Variants in RGS7 observed in about 807,000 individuals in gnomAD.
RGS7 encodes the protein regulator of G protein signaling 7, also known as regulator of G-protein signaling 7.
RGS7 carries 27 observed loss-of-function variants against 81.1 expected under a neutral mutation model. The observed-to-expected ratio is 0.33, with a 90% confidence interval of 0.25 to 0.46. The LOEUF (loss-of-function observed/expected upper bound fraction) is 0.46. Ranked by LOEUF, RGS7 falls within the 20% of genes least tolerant of loss-of-function variation. The pLI is 1.00. For missense variants in RGS7, 396 were observed against 607.4 expected, an observed-to-expected ratio of 0.65 and a Z score of 3.66; for synonymous variants, 208 against 207.7, an observed-to-expected ratio of 1.00 and a Z score of -0.01.
At chr1:240,785,727 CAG>C (rs775628917) in intron 18 of RGS7, among the ~76,000 whole-genome samples, 4 of 152,130 alleles carry the variant, frequency 2.6e-5, no homozygotes, top group Admixed American at 6.6e-5. Flanking sequence ...CTAATAGAAT[CAG>C]AATATTTTCA....
intron 3 of RGS7, among the ~76,000 whole-genome samples, chr1:241,075,567 A>C (rs144949263): frequency 6.6e-6 from 1 of 152,062 alleles, no homozygotes; most frequent in Non-Finnish European, 1.5e-5. Flanking sequence ...GGCCATACAT[A>C]AATCACACTA....
intron 3 of RGS7, among the ~76,000 whole-genome samples, chr1:241,004,733 C>A (rs569061879): frequency 6.6e-6 from 1 of 152,326 alleles, no homozygotes; most frequent in East Asian, 1.9e-4. Flanking sequence ...CCTCTCTGAG[C>A]AGCATTCCTT....
chr1:240,871,857 T>G (rs1358623488), intron 6 of RGS7, among the ~76,000 whole-genome samples: 1 of 152,178 alleles, frequency 6.6e-6, no homozygotes, highest in African/African-American at 2.4e-5. Context: ...TGATGAAATT[T>G]CAAGCCCCAG....
chr1:240,966,234 TA>T (rs932133010), intron 4 of RGS7, among the ~76,000 whole-genome samples: 8 of 152,100 alleles, frequency 5.3e-5, no homozygotes, highest in African/African-American at 1.4e-4. Flanking sequence ...GAATTGTGAT[TA>T]AAAAAAGATT....
intron 2 of RGS7, among the ~76,000 whole-genome samples, chr1:241,109,066 T>A (rs1459540005): frequency 6.6e-6 from 1 of 152,192 alleles, no homozygotes; most frequent in African/African-American, 2.4e-5. Flanking sequence ...TTTAAATATT[T>A]CATCTCTTGT....
intron 2 of RGS7, among the ~76,000 whole-genome samples, chr1:241,308,635 G>A (rs1343555882): frequency 2.0e-5 from 3 of 152,118 alleles, no homozygotes; most frequent in Non-Finnish European, 2.9e-5. Context: ...GGATACAAGT[G>A]CTCTTAATCT....
At chr1:241,122,415 A>G (rs1018837797) in intron 2 of RGS7, among the ~76,000 whole-genome samples, 2 of 152,092 alleles carry the variant, frequency 1.3e-5, no homozygotes, top group Admixed American at 1.3e-4. Flanking sequence ...GTAATCCCAG[A>G]ACTTTGGGAT....
At chr1:241,047,733 C>CTTTTTTTT (rs34738551) in intron 3 of RGS7, among the ~76,000 whole-genome samples, 38 of 89,512 alleles carry the variant, frequency 4.2e-4, no homozygotes, top group Non-Finnish European at 5.8e-4. Flanking sequence ...GTTTACAATC[C>CTTTTTTTT]TTTTTTTTTT....
At chr1:241,154,600 C>G (rs934792356) in intron 2 of RGS7, among the ~76,000 whole-genome samples, 2 of 152,144 alleles carry the variant, frequency 1.3e-5, no homozygotes, top group Non-Finnish European at 2.9e-5. Context: ...GGTGTCTCCC[C>G]GAATGTCGGG....
chr1:241,321,065 T>C (rs1465474602), intron 2 of RGS7, among the ~76,000 whole-genome samples: 1 of 152,208 alleles, frequency 6.6e-6, no homozygotes, highest in Non-Finnish European at 1.5e-5. Flanking sequence ...ACAGAAAGTA[T>C]AGAATTGGAA....
At chr1:241,008,109 G>A (rs1446246063) in intron 3 of RGS7, among the ~76,000 whole-genome samples, 2 of 150,522 alleles carry the variant, frequency 1.3e-5, no homozygotes, top group Non-Finnish European at 2.9e-5. Flanking sequence ...TACTTTATAT[G>A]GCAACAAAAG....
chr1:240,778,795 G>A (rs947160462), intron 18 of RGS7, among the ~76,000 whole-genome samples: 1 of 152,186 alleles, frequency 6.6e-6, no homozygotes, highest in African/African-American at 2.4e-5. Flanking sequence ...GCCTCCCAAA[G>A]TGCTGGGATT....
chr1:241,284,557 C>A (rs2078692760), intron 2 of RGS7, among the ~76,000 whole-genome samples: 1 of 152,218 alleles, frequency 6.6e-6, no homozygotes, highest in African/African-American at 2.4e-5. Context: ...GAGAATGGGG[C>A]ACCTTGCTAC....
chr1:241,052,431 G>A (rs1363604439), intron 3 of RGS7, among the ~76,000 whole-genome samples: 2 of 152,060 alleles, frequency 1.3e-5, no homozygotes, highest in Non-Finnish European at 2.9e-5. Context: ...TAAGAGCAAC[G>A]TGAAGGCCGA....
chr1:240,791,349 A>G lies in RGS7; in HGVS notation c.*6+9292T>C, dbSNP rs528914909. 5.9e-5 allele frequency among the ~76,000 whole-genome samples: 9 copies of G among 152,346 alleles called. No homozygotes were observed. The South Asian group carries it at 1.5e-3, about 25-fold the overall frequency. ...TGAAGAGGGCAGGAGATTTTGCCCA[A>G]TCTGGGCTTGTGTACAGTATCAGCC... is the stretch of plus-strand genomic sequence containing the variant. On this transcript the variant is annotated intron_variant, in intron 18 of 18. Coordinates refer to ENST00000440928, the MANE Select transcript of RGS7 (RefSeq NM_001364886.1).
chr1:241,190,226 T>C (rs113947690), intron 2 of RGS7, among the ~76,000 whole-genome samples: 3 of 152,330 alleles, frequency 2.0e-5, no homozygotes, highest in South Asian at 2.1e-4. Flanking sequence ...CTTGATACTA[T>C]AGTGACATAG....
At chr1:240,865,977 A>G (rs1444426957) in intron 9 of RGS7, among the ~76,000 whole-genome samples, 1 of 152,238 alleles carries the variant, frequency 6.6e-6, no homozygotes, top group Non-Finnish European at 1.5e-5. Context: ...AAGACTAAAA[A>G]CAAGATAAAC....
At chr1:241,146,686 C>G (rs1354694327) in intron 2 of RGS7, among the ~76,000 whole-genome samples, 1 of 152,132 alleles carries the variant, frequency 6.6e-6, no homozygotes, top group Admixed American at 6.5e-5. Flanking sequence ...ATTGCTTTTC[C>G]TCTCCAAAAT....
chr1:241,095,820 T>C (rs2064205935), intron 3 of RGS7, among the ~76,000 whole-genome samples: 2 of 152,180 alleles, frequency 1.3e-5, no homozygotes, highest in Admixed American at 6.5e-5. Context: ...CTACACAACA[T>C]ATTATTGTTA....
Sources: allele counts gnomAD v4.1 joint callset (sites outside exome capture counted in the v4.1 genomes callset), GRCh38; gene constraint gnomAD v4.1.1; transcripts MANE v1.5; gene names NCBI Gene and HGNC (gene_info 2026-07-23, HGNC 2026-07-21).